The following FGD4 variants were observed in gnomAD, a reference collection of about 807,000 sequenced individuals.
FGD4 encodes FYVE, RhoGEF and PH domain-containing protein 4.
FGD4 carries 42 observed loss-of-function variants against 102.0 expected under a neutral mutation model. The observed-to-expected ratio is 0.41, with a 90% CI of 0.32 to 0.53. The LOEUF (loss-of-function observed/expected upper bound fraction) is 0.53, where lower values mean the gene tolerates loss of function less well. Among genes scored for constraint, FGD4 ranks in the 20% least tolerant of loss-of-function variants. The probability of loss-of-function intolerance (pLI) is 0.21; values close to 1 mark genes in which losing one functional copy is unlikely to be tolerated. For missense variants in FGD4, 902 were observed against 1,078.2 expected (o/e 0.84, Z 2.29); for synonymous variants, 380 against 375.7 (o/e 1.01, Z -0.13).
At chr12:32,606,645 A>C (rs1948801948) in intron 7 of FGD4, among the ~76,000 whole-genome samples, 1 of 152,140 alleles carries the variant, frequency 6.6e-6, no homozygotes, top group Non-Finnish European at 1.5e-5. Flanking sequence ...TGAAGCCTTT[A>C]GTCACTTGTT....
At chr12:32,601,523 C>T (rs1948424047) in intron 6 of FGD4, 100 bp downstream of exon 6, 3 of 1,380,152 alleles carry the variant, frequency 2.2e-6, no homozygotes, top group African/African-American at 1.4e-5. Context: ...TGTAACTAGA[C>T]ATTTATGCTA....
At chr12:32,553,546 A>G (rs1042563445) in intron 1 of FGD4, among the ~76,000 whole-genome samples, 1 of 152,224 alleles carries the variant, frequency 6.6e-6, no homozygotes, top group Non-Finnish European at 1.5e-5. Flanking sequence ...CTTAAGAAAG[A>G]TAACAGTCAA....
At chr12:32,610,690 C>T (rs1949082851) in intron 8 of FGD4, 86 bp from the exon 9 acceptor site, 12 of 1,243,152 alleles carry the variant, frequency 9.7e-6, no homozygotes, top group Middle Eastern at 2.6e-4. Context: ...TGGTCTCAGA[C>T]TTCTTAATTT....
chr12:32,553,796 A>G (rs1943887310), intron 1 of FGD4, among the ~76,000 whole-genome samples: 1 of 152,210 alleles, frequency 6.6e-6, no homozygotes. Flanking sequence ...ATCCTAGTAA[A>G]TGTAAATAAA....
rs1450787647 is a variant in FGD4 at position 32,631,516 on chromosome 12, T to TA, written c.2173-2033_2173-2032insA. ...GAGAGCAAACAGCTTTTTTTTTTTTTTTTTTTGAGGCGGAGTCTCGCTCTG... is the reference window on the plus strand; with the variant it reads ...GAGAGCAAACAGCTTTTTTTTTTTTTATTTTTTGAGGCGGAGTCTCGCTCTG... On this transcript the variant is annotated intron_variant, in intron 14 of 16. Transcript: ENST00000534526. Among the ~76,000 whole-genome samples, 9 of 150,654 alleles carry TA rather than the reference T, an allele frequency of 6.0e-5. No individual in the cohort carries two copies. The East Asian group carries it at 1.7e-3, about 29-fold the overall frequency.
At chr12:32,472,176 C>T (rs977548209) in intron 1 of FGD4, among the ~76,000 whole-genome samples, 1 of 152,226 alleles carries the variant, frequency 6.6e-6, no homozygotes, top group Non-Finnish European at 1.5e-5. Context: ...CCTGCCTGGG[C>T]TCCCACTTTG....
chr12:32,611,407 G>A, intron 10 of FGD4, 124 bp downstream of exon 10: 1 of 1,135,174 alleles, frequency 8.8e-7, no homozygotes, highest in Non-Finnish European at 1.3e-6. Context: ...CCTGAGGTCA[G>A]GAGTTTGAGA....
chr12:32,531,099 G>A (rs935139468), intron 1 of FGD4, among the ~76,000 whole-genome samples: 4 of 151,206 alleles, frequency 2.6e-5, no homozygotes, highest in Admixed American at 1.3e-4. Context: ...CTACAGGCGC[G>A]TGCCACCATG....
chr12:32,446,423 G>A (rs532333264), intron 1 of FGD4, among the ~76,000 whole-genome samples: 2 of 152,202 alleles, frequency 1.3e-5, no homozygotes, highest in African/African-American at 4.8e-5. Context: ...TGATGAATAC[G>A]GGGGTTATGT....
intron 14 of FGD4, among the ~76,000 whole-genome samples, chr12:32,627,180 A>C (rs1789243313): frequency 7.8e-6 from 1 of 128,808 alleles, no homozygotes; most frequent in African/African-American, 3.0e-5. Context: ...TTTGAGACAG[A>C]GTCTCACCCT....
intron 4 of FGD4, among the ~76,000 whole-genome samples, chr12:32,588,030 T>C (rs1452072197): frequency 1.3e-5 from 2 of 152,134 alleles, no homozygotes; most frequent in African/African-American, 4.8e-5. Flanking sequence ...AAAGGATGTT[T>C]AATAAATTGT....
intron 4 of FGD4, among the ~76,000 whole-genome samples, chr12:32,595,622 G>A (rs1471255270): frequency 6.6e-6 from 1 of 152,124 alleles, no homozygotes; most frequent in Non-Finnish European, 1.5e-5. Flanking sequence ...TGGAAATAAG[G>A]TCTGTTTCCC....
At chr12:32,576,039 A>G (rs954839517) in intron 2 of FGD4, among the ~76,000 whole-genome samples, 2 of 152,234 alleles carry the variant, frequency 1.3e-5, no homozygotes, top group Non-Finnish European at 2.9e-5. Context: ...AAGATGCAAT[A>G]AAATTAAAAG....
At chr12:32,630,102 A>G (rs1222337778) in intron 14 of FGD4, among the ~76,000 whole-genome samples, 2 of 152,130 alleles carry the variant, frequency 1.3e-5, no homozygotes, top group African/African-American at 4.8e-5. Flanking sequence ...TGTTTGCTCT[A>G]TTCATTCACC....
chr12:32,437,555 C>T (rs1161252684), intron 1 of FGD4, among the ~76,000 whole-genome samples: 1 of 152,174 alleles, frequency 6.6e-6, no homozygotes, highest in Admixed American at 6.5e-5. Flanking sequence ...CACGGATATC[C>T]GTGGTATTCA....
chr12:32,410,094 C>G lies in FGD4; in HGVS notation c.166+10135C>G, dbSNP rs191185995. On this transcript the variant is annotated intron_variant, in intron 1 of 16. Coordinates refer to ENST00000534526, the MANE Select transcript of FGD4 (RefSeq NM_001370298.3). ...CTATAATCCCAGCACTTTGGGAGGC[C>G]GAAGCAGGTGGATCATGAGGTCAGG... Among the ~76,000 whole-genome samples, 1,385 of 151,818 alleles carry G rather than the reference C, an allele frequency of 9.1e-3. 12 individuals carry two copies. The highest frequency in any genetic ancestry group is 0.028 in the Middle Eastern group (8 of 290).
Position 32,610,633 on chromosome 12 carries a change from T to C in FGD4, c.1544-143T>C, listed in dbSNP as rs558788181. The C allele has an allele frequency of 1.3e-4, 92 of 705,474 alleles. 2 individuals are homozygous for C. In the South Asian group the frequency reaches 1.3e-3, roughly 10 times the overall value. 43.7% of individuals were successfully genotyped at this position (705,474 alleles called of 1,614,324 possible). On this transcript the variant is annotated intron_variant, in intron 8 of 16. Transcript: ENST00000534526. ...CTGCTTACAAATGAACTTTAGAAAG[T>C]ATATACCGTTTATAAATGGAAAATG...
intron 2 of FGD4, among the ~76,000 whole-genome samples, chr12:32,566,490 C>T (rs1182785946): frequency 6.6e-6 from 1 of 152,168 alleles, no homozygotes; most frequent in Non-Finnish European, 1.5e-5. Flanking sequence ...TGTCCGCTCA[C>T]ATAGTACATA....
chr12:32,438,797 A>T (rs1315256936), intron 1 of FGD4, among the ~76,000 whole-genome samples: 2 of 151,450 alleles, frequency 1.3e-5, no homozygotes, highest in Non-Finnish European at 2.9e-5. Context: ...TTTAGTAGAG[A>T]CGGGGTTTCA....
Sources: allele counts gnomAD v4.1 joint callset (sites outside exome capture counted in the v4.1 genomes callset), GRCh38; gene constraint gnomAD v4.1.1; transcripts MANE v1.5; gene names NCBI Gene and HGNC (gene_info 2026-07-23, HGNC 2026-07-21).